CDH4: variants seen among roughly 807,000 people sequenced by gnomAD.
The protein encoded by CDH4 is cadherin-4.
Under a neutral mutation model 86.0 loss-of-function variants are expected in CDH4, and 33 were observed. The ratio of observed to expected loss-of-function variants is 0.38; its 90% CI spans 0.29 to 0.51. CDH4 has a LOEUF of 0.51. Ranked by LOEUF, CDH4 falls within the 20% of genes least tolerant of loss-of-function variation. The pLI is 0.86. For missense variants in CDH4, 1,114 were observed against 1,307.4 expected (o/e 0.85, Z 2.28); for synonymous variants, 555 against 549.4 (o/e 1.01, Z -0.14).
chr20:61,877,977 G>T (rs1387263078), intron 7 of CDH4, among the ~76,000 whole-genome samples: 2 of 152,122 alleles, frequency 1.3e-5, no homozygotes, highest in African/African-American at 2.4e-5. Context: ...ACTGTGACAG[G>T]GTCATCACCA....
intron 2 of CDH4, among the ~76,000 whole-genome samples, chr20:61,303,717 G>A (rs1326991541): frequency 1.3e-5 from 2 of 152,200 alleles, no homozygotes; most frequent in Non-Finnish European, 2.9e-5. Flanking sequence ...GCAGGGAGGA[G>A]GAGGTAGGAG....
At chr20:61,413,942 G>A (rs1053333114) in intron 2 of CDH4, among the ~76,000 whole-genome samples, 9 of 152,092 alleles carry the variant, frequency 5.9e-5, no homozygotes, top group African/African-American at 1.4e-4. Flanking sequence ...CCAAGTCCAC[G>A]GTGTCTGCAG....
chr20:61,274,447 G>A (rs2084213259), intron 2 of CDH4, among the ~76,000 whole-genome samples: 1 of 139,704 alleles, frequency 7.2e-6, no homozygotes. Context: ...GGAGTACTTT[G>A]TGCAGTTTGG....
At chr20:61,831,603 A>C (rs559618829) in intron 4 of CDH4, among the ~76,000 whole-genome samples, 5 of 152,308 alleles carry the variant, frequency 3.3e-5, no homozygotes, top group South Asian at 4.1e-4. Context: ...CCCTGTCCTC[A>C]TCAAACTTTG....
intron 2 of CDH4, among the ~76,000 whole-genome samples, chr20:61,678,285 TGATG>T (rs962466966): frequency 9.2e-5 from 14 of 151,746 alleles, no homozygotes; most frequent in African/African-American, 2.2e-4. Flanking sequence ...GATAGATACA[TGATG>T]GATGGATGGG....
At chr20:61,257,687 T>C (rs1338780664) in intron 2 of CDH4, among the ~76,000 whole-genome samples, 1 of 152,228 alleles carries the variant, frequency 6.6e-6, no homozygotes, top group African/African-American at 2.4e-5. Flanking sequence ...TAAAATGCAG[T>C]GTTCTCTAAA....
intron 2 of CDH4, among the ~76,000 whole-genome samples, chr20:61,504,399 G>A (rs2085725718): frequency 6.6e-6 from 1 of 152,130 alleles, no homozygotes; most frequent in Non-Finnish European, 1.5e-5. Context: ...ATGATGCTTG[G>A]GATGGCTCCT....
chr20:61,376,861 TCTC>T (rs2084875578), intron 2 of CDH4, among the ~76,000 whole-genome samples: 1 of 152,164 alleles, frequency 6.6e-6, no homozygotes, highest in African/African-American at 2.4e-5. Context: ...CTACACCACC[TCTC>T]CTCTCTAGCA....
In CDH4 at chr20:61,433,010, T is replaced by C. The variant is rs185941052; in HGVS notation, c.169+178073T>C. 1.6e-3 allele frequency among the ~76,000 whole-genome samples: 241 copies of C among 151,968 alleles called. 1 individual carries two copies. In the East Asian group the frequency reaches 0.024, roughly 15 times the overall value. ...CGTGCCACCACGCCTGGCTAATTTT[T>C]GTATTTTCAGTAGAGATGGGGTTTT... is the stretch of plus-strand genomic sequence containing the variant. On this transcript the variant is annotated intron_variant, in intron 2 of 15. Transcript: ENST00000614565.
chr20:61,409,337 A>G (rs1461075722), intron 2 of CDH4, among the ~76,000 whole-genome samples: 1 of 152,236 alleles, frequency 6.6e-6, no homozygotes, highest in Non-Finnish European at 1.5e-5. Context: ...CTCAGCATCA[A>G]AAGGGGTTCC....
chr20:61,563,516 G>T (rs2086238432), intron 2 of CDH4, among the ~76,000 whole-genome samples: 1 of 152,232 alleles, frequency 6.6e-6, no homozygotes, highest in African/African-American at 2.4e-5. Flanking sequence ...CTCAGCAGGG[G>T]TGTGCAGGGT....
At chr20:61,543,073 C>A (rs1025802946) in intron 2 of CDH4, among the ~76,000 whole-genome samples, 1 of 152,230 alleles carries the variant, frequency 6.6e-6, no homozygotes, top group Admixed American at 6.5e-5. Context: ...GAAGACTCAG[C>A]CAGTCCAGTC....
chr20:61,830,864 C>T (rs773510358), intron 4 of CDH4, among the ~76,000 whole-genome samples: 3 of 152,210 alleles, frequency 2.0e-5, no homozygotes, highest in Non-Finnish European at 4.4e-5. Flanking sequence ...TGCCAACTGC[C>T]CACCTCCGCT....
intron 4 of CDH4, among the ~76,000 whole-genome samples, chr20:61,816,273 T>A (rs915119526): frequency 6.6e-6 from 1 of 152,186 alleles, no homozygotes; most frequent in Non-Finnish European, 1.5e-5. Context: ...TCACAGAGGA[T>A]AAAACACACA....
At chr20:61,628,255 G>A (rs907388263) in intron 2 of CDH4, among the ~76,000 whole-genome samples, 9 of 152,078 alleles carry the variant, frequency 5.9e-5, no homozygotes, top group African/African-American at 4.8e-5. Context: ...CTGAGGTCTC[G>A]TAGAGATGGT....
At position 61,282,295 on chromosome 20, in the gene CDH4, G is replaced by A. The variant is rs370168605; in HGVS notation, c.169+27358G>A. Among the ~76,000 whole-genome samples, 61 of 152,244 alleles carry A rather than the reference G, an allele frequency of 4.0e-4. No individual in the cohort carries two copies. In the South Asian group the frequency reaches 0.012, roughly 29 times the overall value. On this transcript the variant is annotated intron_variant, in intron 2 of 15. Transcript: ENST00000614565. Reference sequence around the variant, plus strand: ...AATCATTTGAACCTGGAAGACGGAGGTTTCAGTGAGCCAAGATTGCGCCAC... The same window carrying A: ...AATCATTTGAACCTGGAAGACGGAGATTTCAGTGAGCCAAGATTGCGCCAC...
intron 9 of CDH4, among the ~76,000 whole-genome samples, chr20:61,920,568 G>C (rs1026991415): frequency 1.3e-5 from 2 of 151,220 alleles, no homozygotes; most frequent in Non-Finnish European, 2.9e-5. Context: ...TGGTGATTGT[G>C]TGGAAATGTG....
intron 2 of CDH4, among the ~76,000 whole-genome samples, chr20:61,508,741 C>A (rs910212760): frequency 6.6e-6 from 1 of 152,196 alleles, no homozygotes; most frequent in Non-Finnish European, 1.5e-5. Flanking sequence ...GGGTGGCCAC[C>A]GGGATTTGAG....
intron 2 of CDH4, among the ~76,000 whole-genome samples, chr20:61,420,223 G>A (rs1381324563): frequency 6.6e-6 from 1 of 152,236 alleles, no homozygotes; most frequent in East Asian, 1.9e-4. Context: ...CCCTCTGCAG[G>A]CAGCTCCTCC....
Sources: allele counts gnomAD v4.1 joint callset (sites outside exome capture counted in the v4.1 genomes callset), GRCh38; gene constraint gnomAD v4.1.1; transcripts MANE v1.5; gene names NCBI Gene and HGNC (gene_info 2026-07-23, HGNC 2026-07-21).